DNAAF9: variants seen among roughly 807,000 people sequenced by gnomAD.
The protein encoded by DNAAF9 is shulin.
Under a neutral mutation model 167.0 loss-of-function variants are expected in DNAAF9, and 90 were observed. The observed-to-expected ratio is 0.54, with a 90% CI of 0.45 to 0.64. DNAAF9 has a LOEUF of 0.64. Ranked by LOEUF, DNAAF9 falls within the 30% of genes least tolerant of loss-of-function variation. DNAAF9 has a pLI of 0.00. For missense variants in DNAAF9, 1,315 were observed against 1,442.2 expected, an observed-to-expected ratio of 0.91 and a Z score of 1.43; for synonymous variants, 491 against 508.8, an observed-to-expected ratio of 0.96 and a Z score of 0.47.
chr20:3,249,777 T>G lies in DNAAF9; in HGVS notation c.*2795A>C, dbSNP rs984913381. 1 of 152,180 alleles carries G rather than the reference T, an allele frequency of 6.6e-6. No individual in the cohort carries two copies. The highest frequency in any genetic ancestry group is 1.5e-5 in the Non-Finnish European group (1 of 68,036). The allele number at this position is 152,180 out of a possible 1,614,324, so 9.4% of individuals were successfully genotyped here. A position where few individuals can be genotyped will look rare whatever the true frequency, so the allele number is the denominator to read the frequency against. The stretch of plus-strand genomic sequence containing the variant: ...GAAGCCCAAGGAGCAACCCAGAGCT[T>G]CTTACTGTGCAAAAATTCTCCAAAA... On this transcript the variant is annotated 3_prime_UTR_variant, in exon 37 of 37. Transcript: ENST00000252032.
At chr20:3,358,669 TTTTAC>T (rs746536058) in intron 7 of DNAAF9, among the ~76,000 whole-genome samples, 37 of 152,332 alleles carry the variant, frequency 2.4e-4, no homozygotes, top group Middle Eastern at 6.8e-3. Flanking sequence ...CTTATTATTC[TTTTAC>T]TTTATTTTCT....
rs1004526374 is a variant in DNAAF9 at position 3,269,818 on chromosome 20, C to T, written c.2786+609G>A. ...AAATACAAAAACAAAATTAGCCGGG[C>T]GTGGTGGCGGGCGCCTGTAGTCCCA... On this transcript the variant is annotated intron_variant, in intron 30 of 36. Coordinates refer to ENST00000252032, the MANE Select transcript of DNAAF9 (RefSeq NM_001009984.3). 9.9e-5 allele frequency among the ~76,000 whole-genome samples: 15 copies of T among 151,842 alleles called. No individual in the cohort carries two copies. In the East Asian group the frequency reaches 1.6e-3, roughly 16 times the overall value.
chr20:3,363,940 T>C (rs1395801122), intron 6 of DNAAF9, among the ~76,000 whole-genome samples: 1 of 152,158 alleles, frequency 6.6e-6, no homozygotes, highest in Non-Finnish European at 1.5e-5. Flanking sequence ...TCTTAGATAT[T>C]GTAGTTTTCA....
intron 16 of DNAAF9, 123 bp from the exon 17 acceptor site, chr20:3,318,523 G>T: frequency 1.7e-6 from 1 of 584,066 alleles, no homozygotes; most frequent in Non-Finnish European, 3.1e-6. Flanking sequence ...AGAGTTTCTA[G>T]GGAAAACTGG....
chr20:3,266,343 G>A (rs1462837020), intron 30 of DNAAF9, among the ~76,000 whole-genome samples: 1 of 152,202 alleles, frequency 6.6e-6, no homozygotes, highest in South Asian at 2.1e-4. Context: ...ACTTTACACA[G>A]TACAGGACTA....
intron 8 of DNAAF9, among the ~76,000 whole-genome samples, 196 bp downstream of exon 8, chr20:3,348,329 A>G (rs937912892): frequency 6.6e-6 from 1 of 152,206 alleles, no homozygotes. Flanking sequence ...CTAATGGAGA[A>G]GCTGGCACAA....
At chr20:3,406,044 G>A (rs1184772871) in intron 1 of DNAAF9, among the ~76,000 whole-genome samples, 1 of 152,158 alleles carries the variant, frequency 6.6e-6, no homozygotes, top group Non-Finnish European at 1.5e-5. Context: ...AATGTCACCT[G>A]ACAGATTCGA....
In DNAAF9 at chr20:3,253,821, T is replaced by C; in HGVS notation, c.3328-2A>G. 6.4e-7 allele frequency: 1 copy of C among 1,559,342 alleles called. No homozygotes were observed. Among genetic ancestry groups the C allele is most frequent in the Non-Finnish European group, 8.8e-7 (1 of 1,130,090 alleles). On this transcript the variant is annotated splice_acceptor_variant, in intron 35 of 36. Transcript: ENST00000252032. LOFTEE classifies it high-confidence loss of function. ...TAGGGGTTCCAAGTGGCGTTTTACCTGTAGGAGAAAAGAGACCTGTAATAA... is the reference window on the plus strand; with the variant it reads ...TAGGGGTTCCAAGTGGCGTTTTACCCGTAGGAGAAAAGAGACCTGTAATAA...
rs755593867 is a variant in DNAAF9 at position 3,340,648 on chromosome 20, G to A, written c.846-9C>T. On this transcript the variant is annotated splice_polypyrimidine_tract_variant and intron_variant, in intron 9 of 36. Transcript: ENST00000252032. Reference sequence around the variant, plus strand: ...ATGGCTGCCGGTTAGGGCTAGAGAGGGAAGTCAAAAACATGTGATTAGAAA... The same window carrying A: ...ATGGCTGCCGGTTAGGGCTAGAGAGAGAAGTCAAAAACATGTGATTAGAAA... 9 of 1,613,716 alleles carry A rather than the reference G, an allele frequency of 5.6e-6. No individual in the cohort carries two copies. Among genetic ancestry groups the A allele is most frequent in the East Asian group, 4.5e-5 (2 of 44,872 alleles).
rs1041103206 is a variant in DNAAF9 at position 3,250,234 on chromosome 20, G to A, written c.*2338C>T. On this transcript the variant is annotated 3_prime_UTR_variant, in exon 37 of 37. Coordinates refer to ENST00000252032, the MANE Select transcript of DNAAF9 (RefSeq NM_001009984.3). ...CAGAAGACCCTGCTCCTCCCACCTG[G>A]AGCGCCGCCTGGAGGAATCAAGTGG... 6 of 152,302 alleles carry A rather than the reference G, an allele frequency of 3.9e-5. No homozygotes were observed. Among genetic ancestry groups the A allele is most frequent in the African/African-American group, 9.7e-5 (4 of 41,438 alleles). 9.4% of individuals were successfully genotyped at this position (152,302 alleles called of 1,614,324 possible).
At chr20:3,319,231 C>G (rs1341263898) in intron 16 of DNAAF9, among the ~76,000 whole-genome samples, 2 of 141,208 alleles carry the variant, frequency 1.4e-5, no homozygotes, top group Non-Finnish European at 3.0e-5. Context: ...CCACTGCACT[C>G]CAGCCTGGGC....
chr20:3,264,820 G>A (rs1474147305), intron 30 of DNAAF9, among the ~76,000 whole-genome samples: 3 of 152,154 alleles, frequency 2.0e-5, no homozygotes, highest in South Asian at 2.1e-4. Context: ...CGCCTGCCTC[G>A]GCCTCCCAAA....
chr20:3,256,028 C>A lies in DNAAF9; in HGVS notation c.3239G>T (p.Trp1080Leu). The A allele has an allele frequency of 5.0e-6, 8 of 1,613,436 alleles. No individual in the cohort carries two copies. The highest frequency in any genetic ancestry group is 6.8e-6 in the Non-Finnish European group (8 of 1,179,944). The change falls in exon 34 of 37, where the codon TGG becomes TTG. Residue 1080 changes from tryptophan to leucine, a missense_variant. Physicochemically the swap from Trp to Leu is moderately conservative, Grantham distance 61. Transcript: ENST00000252032. ...CACCTGCTTAGCTGACTGCCGCAGCCAGTCCTTGATGCTGTCTTCCTTCAG... is the reference window on the plus strand; with the variant it reads ...CACCTGCTTAGCTGACTGCCGCAGCAAGTCCTTGATGCTGTCTTCCTTCAG... ...CSLKEDSIKD[W>L]LRQSAKQKPQ...
intron 23 of DNAAF9, chr20:3,296,383 CG>C (rs1568586462): frequency 1.6e-5 from 5 of 309,152 alleles, no homozygotes; most frequent in South Asian, 2.8e-5. Flanking sequence ...GGACATTTTT[CG>C]TTTTTTTTTT....
intron 13 of DNAAF9, 23 bp from the exon 14 acceptor site, chr20:3,324,991 C>A: frequency 7.1e-7 from 1 of 1,404,710 alleles, no homozygotes; most frequent in Admixed American, 1.7e-5. Context: ...AAGACAGCGA[C>A]AATTAGCTTT....
At chr20:3,289,452 A>G (rs1341095389) in intron 26 of DNAAF9, among the ~76,000 whole-genome samples, 2 of 152,096 alleles carry the variant, frequency 1.3e-5, no homozygotes, top group Non-Finnish European at 2.9e-5. Context: ...CTCTAAAAAC[A>G]AAACAGAAAA....
intron 1 of DNAAF9, among the ~76,000 whole-genome samples, chr20:3,387,793 G>C (rs1213953435): frequency 1.4e-5 from 2 of 148,122 alleles, no homozygotes; most frequent in Non-Finnish European, 3.0e-5. Context: ...TGTAATCTCA[G>C]CACTTTGAGA....
intron 9 of DNAAF9, among the ~76,000 whole-genome samples, 166 bp downstream of exon 9, chr20:3,343,510 C>CA (rs2070127533): frequency 6.6e-6 from 1 of 152,108 alleles, no homozygotes; most frequent in South Asian, 2.1e-4. Flanking sequence ...AGCAGAGAAA[C>CA]AGACACATTT....
At chr20:3,376,013 A>G (rs1410243750) in intron 4 of DNAAF9, among the ~76,000 whole-genome samples, 165 bp downstream of exon 4, 1 of 152,224 alleles carries the variant, frequency 6.6e-6, no homozygotes. Flanking sequence ...ATTTATCTAT[A>G]AGGTAGCCTC....
Sources: allele counts gnomAD v4.1 joint callset (sites outside exome capture counted in the v4.1 genomes callset), GRCh38; gene constraint gnomAD v4.1.1; transcripts MANE v1.5; gene names NCBI Gene and HGNC (gene_info 2026-07-23, HGNC 2026-07-21).